HDGFL3: variants seen among roughly 807,000 people sequenced by gnomAD.
HDGFL3 encodes HDGF like 3, also known as hepatoma-derived growth factor-related protein 3.
In HDGFL3, 6 loss-of-function variants were observed where a neutral mutation model predicts 27.6. The ratio of observed to expected loss-of-function variants is 0.22; its 90% CI spans 0.12 to 0.43. HDGFL3 has a LOEUF of 0.43. Ranked by LOEUF, HDGFL3 falls within the 20% of genes least tolerant of loss-of-function variation. HDGFL3 has a pLI of 1.00. For missense variants in HDGFL3, 207 were observed against 250.1 expected (o/e 0.83, Z 1.16); for synonymous variants, 88 against 88.9 (o/e 0.99, Z 0.05).
rs991607536 is a variant in HDGFL3 at position 83,141,639 on chromosome 15, A to G, written c.607-2364T>C. Among the ~76,000 whole-genome samples the G allele has an allele frequency of 3.3e-5, 5 of 152,222 alleles. No individual in the cohort carries two copies. In the South Asian group the frequency reaches 1.0e-3, roughly 32 times the overall value. On this transcript the variant is annotated intron_variant, in intron 5 of 5. Transcript: ENST00000299633. ...TTGCTCTTGTGCCCATGCTAAGTGT[A>G]GCGGTGTGATCACAGCTCACTGCAG...
chr15:83,134,140 C>T lies in HDGFL3; in HGVS notation c.*5130G>A, dbSNP rs891601541. The T allele has an allele frequency of 1.3e-5, 2 of 152,096 alleles. No individual in the cohort carries two copies. Among genetic ancestry groups the T allele is most frequent in the Admixed American group, 6.5e-5 (1 of 15,280 alleles). The allele number at this position is 152,096 out of a possible 1,614,324, so 9.4% of individuals were successfully genotyped here. A position where few individuals can be genotyped will look rare whatever the true frequency, so the allele number is the denominator to read the frequency against. On this transcript the variant is annotated 3_prime_UTR_variant, in exon 6 of 6. Coordinates refer to ENST00000299633, the MANE Select transcript of HDGFL3 (RefSeq NM_016073.4). ...CCATTGTTGTTGAACGTTTATTGAG[C>T]TCTAACAATGTGACAGGTGCCACAC... is the stretch of plus-strand genomic sequence containing the variant.
Position 83,157,589 on chromosome 15 carries a change from A to G in HDGFL3, c.301-16T>C. On this transcript the variant is annotated splice_polypyrimidine_tract_variant and intron_variant, in intron 3 of 5. Coordinates refer to ENST00000299633, the MANE Select transcript of HDGFL3 (RefSeq NM_016073.4). ...GCTGAATTGCCTAAGAAATAATAAA[A>G]TATTAGCTGATTACATTTTTGAAAA... 8 of 1,596,464 alleles carry G rather than the reference A, an allele frequency of 5.0e-6. No individual in the cohort carries two copies. The highest frequency in any genetic ancestry group is 6.8e-6 in the Non-Finnish European group (8 of 1,171,142).
At chr15:83,140,915 T>C (rs928365044) in intron 5 of HDGFL3, among the ~76,000 whole-genome samples, 2 of 152,158 alleles carry the variant, frequency 1.3e-5, no homozygotes, top group Admixed American at 6.5e-5. Flanking sequence ...GGTGGTCCCA[T>C]GGCAGCCTCA....
At chr15:83,186,197 A>C (rs886529409) in intron 1 of HDGFL3, 1 of 152,210 alleles carries the variant, frequency 6.6e-6, no homozygotes, top group Admixed American at 6.5e-5. Context: ...ATCGTGACTA[A>C]ATGTGTATTG....
intron 5 of HDGFL3, among the ~76,000 whole-genome samples, chr15:83,146,417 T>A (rs916110261): frequency 6.6e-6 from 1 of 152,224 alleles, no homozygotes; most frequent in Non-Finnish European, 1.5e-5. Context: ...TGCACTGTCA[T>A]CGGCAACTAC....
At chr15:83,120,185 G>A (rs752109644) in intron 3 of HDGFL3, 13 of 159,608 alleles carry the variant, frequency 8.1e-5, no homozygotes, top group Non-Finnish European at 1.5e-4. Context: ...AACAGGAGCC[G>A]AGTCTGATGT....
chr15:83,181,088 T>C (rs1244322817), intron 1 of HDGFL3: 1 of 152,166 alleles, frequency 6.6e-6, no homozygotes, highest in African/African-American at 2.4e-5. Flanking sequence ...GATAGAACAA[T>C]CTTATAGCTA....
Position 83,128,446 on chromosome 15 carries a change from C to T in HDGFL3, c.*10824G>A, listed in dbSNP as rs1481834314. 1 of 152,186 alleles carries T rather than the reference C, an allele frequency of 6.6e-6. No individual in the cohort carries two copies. The highest frequency in any genetic ancestry group is 1.9e-4 in the East Asian group (1 of 5,196). The allele number at this position is 152,186 out of a possible 1,614,324, so 9.4% of individuals were successfully genotyped here. ...GGGGCTTAAGAAGGAAGAGAACTAA[C>T]ATTTATTGCTCTTTGCTGGTTGTTT... On this transcript the variant is annotated 3_prime_UTR_variant, in exon 6 of 6. Transcript: ENST00000299633.
intron 1 of HDGFL3, among the ~76,000 whole-genome samples, chr15:83,196,827 G>A (rs2037575891): frequency 2.0e-5 from 3 of 152,268 alleles, no homozygotes; most frequent in African/African-American, 2.4e-5. Context: ...AGATAGGAAG[G>A]TGCAGTTAAA....
intron 4 of HDGFL3, among the ~76,000 whole-genome samples, chr15:83,154,846 A>G (rs2037009296): frequency 1.3e-5 from 2 of 152,180 alleles, no homozygotes; most frequent in African/African-American, 4.8e-5. Context: ...TATTTCATTG[A>G]TATTAAAAAT....
chr15:83,177,167 C>T (rs1364362750), intron 1 of HDGFL3, among the ~76,000 whole-genome samples: 1 of 152,236 alleles, frequency 6.6e-6, no homozygotes, highest in African/African-American at 2.4e-5. Flanking sequence ...GATCCATCCG[C>T]CTCGGCCTCC....
chr15:83,179,822 C>G (rs1208364762), intron 1 of HDGFL3: 4 of 152,220 alleles, frequency 2.6e-5, no homozygotes, highest in African/African-American at 9.7e-5. Flanking sequence ...TGTAGCACTA[C>G]TGCCTAAAGC....
intron 1 of HDGFL3, among the ~76,000 whole-genome samples, chr15:83,170,886 A>C (rs1166013965): frequency 2.6e-5 from 4 of 151,926 alleles, no homozygotes; most frequent in East Asian, 1.9e-4. Context: ...CAAAAAAAAA[A>C]AAAAACAAAT....
rs753999466 is a variant in HDGFL3 at position 83,157,409 on chromosome 15, A to T, written c.459+6T>A. 1 of 1,611,290 alleles carries T rather than the reference A, an allele frequency of 6.2e-7. No homozygotes were observed. Among genetic ancestry groups the T allele is most frequent in the South Asian group, 1.1e-5 (1 of 91,024 alleles). On this transcript the variant is annotated splice_donor_region_variant and intron_variant, in intron 4 of 5. Transcript: ENST00000299633. ...CATTAATAACAATGAGAAGTTTCTT[A>T]GTAACCTTTGAAGTATATGACTTTT...
At chr15:83,168,121 A>T (rs976873452) in intron 1 of HDGFL3, among the ~76,000 whole-genome samples, 1 of 152,224 alleles carries the variant, frequency 6.6e-6, no homozygotes, top group Admixed American at 6.5e-5. Context: ...AAAAACAGAG[A>T]TGTAACATAC....
rs201298885 is a variant in HDGFL3 at position 83,157,907 on chromosome 15, T to C, written c.296A>G (p.Tyr99Cys). The C allele has an allele frequency of 6.2e-7, 1 of 1,611,096 alleles. No homozygotes were observed. The highest frequency in any genetic ancestry group is 1.1e-5 in the South Asian group (1 of 90,884). ...ENNPGVKFTG[Y>C]QAIQQQSSSE... ...GACAAGGAAGTAAACCATTACCTGGTAGCCAGTAAACTTTACTCCTGGGTT... is the reference window on the plus strand; with the variant it reads ...GACAAGGAAGTAAACCATTACCTGGCAGCCAGTAAACTTTACTCCTGGGTT... The change falls in exon 3 of 6, where the codon TAC becomes TGC. Residue 99 changes from tyrosine to cysteine, a missense_variant. Coordinates refer to ENST00000299633, the MANE Select transcript of HDGFL3 (RefSeq NM_016073.4).
chr15:83,193,218 T>C (rs890743285), intron 1 of HDGFL3, among the ~76,000 whole-genome samples: 1 of 152,192 alleles, frequency 6.6e-6, no homozygotes, highest in African/African-American at 2.4e-5. Flanking sequence ...GAACATATGA[T>C]TAAGTCCTAC....
chr15:83,122,061 T>C, intron 3 of HDGFL3: 1 of 1,320,748 alleles, frequency 7.6e-7, no homozygotes, highest in Non-Finnish European at 1.1e-6. Context: ...GGCTTGTTTT[T>C]AAATAGAGAA....
chr15:83,127,018 C>T (rs982235427), downstream of HDGFL3, among the ~76,000 whole-genome samples: 4 of 151,986 alleles, frequency 2.6e-5, no homozygotes, highest in Admixed American at 2.0e-4. Context: ...TGGTGAAACC[C>T]CATCTCTACT....
Sources: allele counts gnomAD v4.1 joint callset (sites outside exome capture counted in the v4.1 genomes callset), GRCh38; gene constraint gnomAD v4.1.1; transcripts MANE v1.5; gene names NCBI Gene and HGNC (gene_info 2026-07-23, HGNC 2026-07-21).